Variants in BTRC observed in about 807,000 individuals in gnomAD.
BTRC encodes beta-transducin repeat containing E3 ubiquitin protein ligase.
In BTRC, 42 loss-of-function variants were observed where a neutral mutation model predicts 85.5. The ratio of observed to expected loss-of-function variants is 0.49; its 90% confidence interval spans 0.38 to 0.64. The LOEUF (loss-of-function observed/expected upper bound fraction) is 0.64. Ranked by LOEUF, BTRC falls within the 30% of genes least tolerant of loss-of-function variation. The probability of loss-of-function intolerance (pLI) is 0.00; values close to 1 mark genes in which losing one functional copy is unlikely to be tolerated. For synonymous variants in BTRC, 255 were observed against 263.3 expected (o/e 0.97, Z 0.30); for missense variants, 594 against 743.5 (o/e 0.80, Z 2.34).
intron 1 of BTRC, among the ~76,000 whole-genome samples, chr10:101,379,084 C>T (rs187143053): frequency 1.3e-5 from 2 of 152,170 alleles, no homozygotes; most frequent in Non-Finnish European, 2.9e-5. Flanking sequence ...AAAAGCTAGT[C>T]AAATTAATTG....
At chr10:101,521,211 C>T (rs1159930453) in intron 4 of BTRC, among the ~76,000 whole-genome samples, 1 of 150,620 alleles carries the variant, frequency 6.6e-6, no homozygotes, top group Admixed American at 6.6e-5. Flanking sequence ...GAGCTGGAGG[C>T]TGCAGTGAGC....
intron 4 of BTRC, among the ~76,000 whole-genome samples, chr10:101,487,771 T>C (rs372181043): frequency 2.0e-5 from 3 of 152,066 alleles, no homozygotes; most frequent in East Asian, 3.9e-4. Flanking sequence ...ACCTTTTAAT[T>C]AGCAAGAGTG....
rs187189716 is a variant in BTRC, at chr10:101,354,670, G to A, written c.48+442G>A. On this transcript the variant is annotated intron_variant, in intron 1 of 14. Coordinates refer to ENST00000370187, the MANE Select transcript of BTRC (RefSeq NM_033637.4). ...GGAAGGGAGCGCGGGATAGAGTGAA[G>A]ACAGATACGGTGGGTAGAGGGGAAC... 1.5e-4 allele frequency: 30 copies of A among 199,924 alleles called. No individual in the cohort carries two copies. In the Admixed American group the frequency reaches 1.5e-3, roughly 10 times the overall value. The allele number at this position is 199,924 out of a possible 1,614,324, so 12.4% of individuals were successfully genotyped here.
intron 13 of BTRC, among the ~76,000 whole-genome samples, chr10:101,542,103 C>A (rs141646345): frequency 1.6e-3 from 250 of 152,286 alleles, no homozygotes; most frequent in Non-Finnish European, 2.3e-3. Flanking sequence ...ATAAATACAG[C>A]ACTCTTCAGA....
intron 1 of BTRC, among the ~76,000 whole-genome samples, chr10:101,366,976 T>TTTATATAAA (rs1564730638): frequency 3.4e-5 from 2 of 58,806 alleles, no homozygotes; most frequent in Admixed American, 3.3e-4. Flanking sequence ...AAATATATAT[T>TTTATATAAA]TATATATTTA....
At chr10:101,354,315 G>T (rs977050954) in intron 1 of BTRC, 87 bp downstream of exon 1, 1 of 1,443,442 alleles carries the variant, frequency 6.9e-7, no homozygotes, top group South Asian at 1.3e-5. Context: ...CTGCGGGACC[G>T]GGCAGCGGGA....
chr10:101,489,401 T>C (rs1946071660), intron 4 of BTRC, among the ~76,000 whole-genome samples: 1 of 152,218 alleles, frequency 6.6e-6, no homozygotes, highest in Admixed American at 6.5e-5. Flanking sequence ...GAGAGATTTT[T>C]ATTCTTAATA....
intron 1 of BTRC, among the ~76,000 whole-genome samples, chr10:101,383,986 G>A (rs971310139): frequency 7.2e-5 from 11 of 151,904 alleles, no homozygotes; most frequent in African/African-American, 2.2e-4. Flanking sequence ...AATAGTTGCC[G>A]GTACCACAGG....
At chr10:101,519,325 C>A (rs1166782057) in intron 4 of BTRC, among the ~76,000 whole-genome samples, 1 of 152,032 alleles carries the variant, frequency 6.6e-6, no homozygotes, top group Non-Finnish European at 1.5e-5. Flanking sequence ...GGTGATCCAC[C>A]CACCTCATCC....
intron 1 of BTRC, among the ~76,000 whole-genome samples, chr10:101,412,501 A>T (rs547789610): frequency 1.3e-5 from 2 of 152,234 alleles, no homozygotes; most frequent in African/African-American, 2.4e-5. Flanking sequence ...TAGGAAGATA[A>T]GTTTGATACC....
intron 1 of BTRC, among the ~76,000 whole-genome samples, chr10:101,366,900 ATATATATTAATATATATTTATATATATTT>A (rs1942428603): frequency 6.4e-5 from 2 of 31,150 alleles, no homozygotes; most frequent in Admixed American, 6.3e-4. Context: ...ATATATATTT[ATATATATTAATATATATTTATATATATTT>A]ATATATATTT....
intron 2 of BTRC, among the ~76,000 whole-genome samples, chr10:101,455,060 C>CT (rs34039959): frequency 0.069 from 9,885 of 143,192 alleles, 323 homozygotes; most frequent in Non-Finnish European, 0.077. Flanking sequence ...ATCCAAGAAA[C>CT]TTTTTTTTTT....
At chr10:101,394,820 G>A (rs1284865279) in intron 1 of BTRC, among the ~76,000 whole-genome samples, 3 of 152,152 alleles carry the variant, frequency 2.0e-5, no homozygotes, top group African/African-American at 4.8e-5. Flanking sequence ...GTTCCAGCAG[G>A]TGTAGCAGCA....
At chr10:101,359,604 AT>A (rs57925473) in intron 1 of BTRC, among the ~76,000 whole-genome samples, 109 of 137,820 alleles carry the variant, frequency 7.9e-4, no homozygotes, top group African/African-American at 1.1e-3. Flanking sequence ...ATTTTGTTGT[AT>A]TTTTTTTTTT....
At chr10:101,487,710 C>G (rs892095889) in intron 4 of BTRC, among the ~76,000 whole-genome samples, 5 of 152,112 alleles carry the variant, frequency 3.3e-5, no homozygotes, top group South Asian at 2.1e-4. Flanking sequence ...AGCAGGGATC[C>G]TACCCAGTCG....
chr10:101,430,662 G>A (rs1234974386), intron 2 of BTRC, among the ~76,000 whole-genome samples: 1 of 152,090 alleles, frequency 6.6e-6, no homozygotes, highest in African/African-American at 2.4e-5. Flanking sequence ...ATCATGATTG[G>A]TTACAAAAAT....
chr10:101,414,323 A>C (rs1481304191), intron 1 of BTRC, among the ~76,000 whole-genome samples: 1 of 152,200 alleles, frequency 6.6e-6, no homozygotes, highest in South Asian at 2.1e-4. Context: ...ACCTAGTGAC[A>C]TTGTAGCCAA....
chr10:101,502,477 A>G (rs1000015349), intron 4 of BTRC, among the ~76,000 whole-genome samples: 5 of 152,072 alleles, frequency 3.3e-5, no homozygotes, highest in South Asian at 2.1e-4. Context: ...TCTGTCTTCA[A>G]TTATTAAGTT....
intron 2 of BTRC, among the ~76,000 whole-genome samples, chr10:101,454,637 C>T (rs1024766532): frequency 6.6e-6 from 1 of 152,000 alleles, no homozygotes; most frequent in African/African-American, 2.4e-5. Flanking sequence ...GAAAAATTAG[C>T]CTGGTGTAGT....
Sources: gnomAD v4.1 joint callset for allele counts (sites outside exome capture counted in the v4.1 genomes callset) on GRCh38, gnomAD v4.1.1 for gene constraint, MANE v1.5 for transcripts, NCBI Gene and HGNC (gene_info 2026-07-23, HGNC 2026-07-21) for gene names.